Variants in DPP6 observed in about 807,000 individuals in gnomAD.
DPP6 encodes A-type potassium channel modulatory protein DPP6.
A neutral mutation model predicts 122.6 loss-of-function variants in DPP6; 69 were observed. The ratio of observed to expected loss-of-function variants is 0.56; its 90% CI spans 0.46 to 0.69. The LOEUF (loss-of-function observed/expected upper bound fraction) is 0.69. Ranked by LOEUF, DPP6 falls within the 30% of genes least tolerant of loss-of-function variation. The probability of loss-of-function intolerance (pLI) is 0.00; values close to 1 mark genes in which losing one functional copy is unlikely to be tolerated. For synonymous variants in DPP6, 418 were observed against 433.1 expected (o/e 0.97, Z 0.43); for missense variants, 928 against 1,116.9 (o/e 0.83, Z 2.41).
At chr7:154,690,255 T>C (rs2131212433) in intron 7 of DPP6, among the ~76,000 whole-genome samples, 1 of 152,296 alleles carries the variant, frequency 6.6e-6, no homozygotes, top group East Asian at 1.9e-4. Flanking sequence ...TTGAGAAGCA[T>C]CCCATCCAGA....
intron 1 of DPP6, among the ~76,000 whole-genome samples, chr7:154,131,140 AG>A (rs1291548012): frequency 1.3e-5 from 2 of 152,104 alleles, no homozygotes; most frequent in South Asian, 2.1e-4. Context: ...AAATGTTCAA[AG>A]GCATTAAGTA....
chr7:154,453,545 T>A (rs1340832608), intron 2 of DPP6, among the ~76,000 whole-genome samples: 2 of 149,502 alleles, frequency 1.3e-5, no homozygotes, highest in Admixed American at 1.3e-4. Flanking sequence ...ACATAAATAT[T>A]ATATAGATAT....
At chr7:154,186,063 T>C (rs10276293) in intron 1 of DPP6, among the ~76,000 whole-genome samples, 63,200 of 152,094 alleles carry the variant, frequency 0.42, 15,148 homozygotes, top group African/African-American at 0.68. Context: ...GCCTCTTGGT[T>C]TTGTGCAAGT....
chr7:154,701,429 C>T (rs982696460), intron 7 of DPP6, among the ~76,000 whole-genome samples: 3 of 152,190 alleles, frequency 2.0e-5, no homozygotes, highest in Non-Finnish European at 2.9e-5. Context: ...GATTTCTCCA[C>T]GTGTTTTGAT....
At chr7:154,150,231 TA>T (rs1257604715) in intron 1 of DPP6, among the ~76,000 whole-genome samples, 2 of 152,066 alleles carry the variant, frequency 1.3e-5, no homozygotes, top group Non-Finnish European at 2.9e-5. Flanking sequence ...AAACAGGAAA[TA>T]AACAGAACTT....
At chr7:153,914,928 A>G (rs1235737257) in intron 1 of DPP6, among the ~76,000 whole-genome samples, 1 of 152,058 alleles carries the variant, frequency 6.6e-6, no homozygotes, top group South Asian at 2.1e-4. Flanking sequence ...CTGGGTCTGA[A>G]CTCTTGCTTT....
intron 16 of DPP6, among the ~76,000 whole-genome samples, chr7:154,829,785 C>T (rs1178861228): frequency 1.3e-5 from 2 of 152,080 alleles, no homozygotes; most frequent in Middle Eastern, 3.2e-3. Context: ...TAAGATGCTT[C>T]CTCCATCCTG....
At position 154,575,053 on chromosome 7, in the gene DPP6, GTGGTGTGTTTGGTGTGTTGTGTGTAT is replaced by G. The variant is rs1586661668; in HGVS notation, c.627+8138_627+8163del. Among the ~76,000 whole-genome samples the G allele has an allele frequency of 5.0e-5, 7 of 138,930 alleles. No individual in the cohort carries two copies. The East Asian group carries it at 1.0e-3, about 21-fold the overall frequency. The allele number at this position is 138,930 out of a possible 152,430, so 91.1% of individuals were successfully genotyped here. On this transcript the variant is annotated intron_variant, in intron 5 of 25. Coordinates refer to ENST00000377770, the MANE Select transcript of DPP6 (RefSeq NM_130797.4). ...GTGTGGTGTGTGTGGTGTGGTGTGT[GTGGTGTGTTTGGTGTGTTGTGTGTAT>G]GTGTGTGATGTGCGTGTGGTGTGTA...
At chr7:154,349,879 AAAAC>A (rs1810705913) in intron 1 of DPP6, among the ~76,000 whole-genome samples, 1 of 152,236 alleles carries the variant, frequency 6.6e-6, no homozygotes, top group Non-Finnish European at 1.5e-5. Context: ...AGTAGAGTAA[AAAAC>A]AAATTTTCAG....
intron 1 of DPP6, among the ~76,000 whole-genome samples, chr7:154,044,788 A>G (rs1257052563): frequency 1.3e-5 from 2 of 152,204 alleles, no homozygotes; most frequent in African/African-American, 2.4e-5. Flanking sequence ...AATGTTTATT[A>G]ACTTTATTGA....
intron 1 of DPP6, among the ~76,000 whole-genome samples, chr7:154,014,248 C>A (rs1400970649): frequency 6.8e-6 from 1 of 146,324 alleles, no homozygotes; most frequent in Non-Finnish European, 1.5e-5. Flanking sequence ...ACTTCTCTCT[C>A]CAGTAAATGC....
chr7:154,759,581 C>T (rs967108779), intron 8 of DPP6, among the ~76,000 whole-genome samples: 10 of 152,228 alleles, frequency 6.6e-5, no homozygotes, highest in African/African-American at 2.4e-4. Flanking sequence ...CAGCCTTTAG[C>T]TCTTGTCTGA....
rs147413797 is a variant in DPP6, at chr7:154,317,462, G to A, written c.244-128752G>A. 2.3e-3 allele frequency among the ~76,000 whole-genome samples: 355 copies of A among 152,304 alleles called. 1 individual carries two copies. The highest frequency in any genetic ancestry group is 6.7e-3 in the African/African-American group (280 of 41,566). ...CTTAGACATGTGGCTGCACCATTATGCTAAGGTACCTGAGGCTCTACTATG... is the reference window on the plus strand; with the variant it reads ...CTTAGACATGTGGCTGCACCATTATACTAAGGTACCTGAGGCTCTACTATG... On this transcript the variant is annotated intron_variant, in intron 1 of 25. Transcript: ENST00000377770.
At chr7:154,074,965 C>G (rs1317123320) in intron 1 of DPP6, among the ~76,000 whole-genome samples, 3 of 150,604 alleles carry the variant, frequency 2.0e-5, no homozygotes, top group African/African-American at 7.3e-5. Context: ...AAGAAAAAAA[C>G]AAATAATCCC....
chr7:153,867,683 C>G, the DPP6 span, among the ~76,000 whole-genome samples: 1 of 152,166 alleles, frequency 6.6e-6, no homozygotes, highest in South Asian at 2.1e-4. Context: ...ACTTCCAACA[C>G]TATGTTGAAT....
At chr7:153,773,009 CATA>C in the DPP6 span, among the ~76,000 whole-genome samples, 18 of 129,596 alleles carry the variant, frequency 1.4e-4, no homozygotes, top group Admixed American at 5.5e-4. Flanking sequence ...AAAGAAAAGA[CATA>C]TATTATATAA....
intron 1 of DPP6, among the ~76,000 whole-genome samples, chr7:154,147,477 CCT>C (rs1796158121): frequency 7.6e-6 from 1 of 132,110 alleles, no homozygotes; most frequent in African/African-American, 4.1e-5. Context: ...TTCCTTCCTT[CCT>C]TCCTTCCTTC....
chr7:154,852,858 AG>A (rs1802519572), intron 16 of DPP6, among the ~76,000 whole-genome samples: 1 of 149,998 alleles, frequency 6.7e-6, no homozygotes, highest in African/African-American at 2.5e-5. Context: ...TAGATGGGAT[AG>A]TTGGAGATGG....
chr7:154,481,709 G>A lies in DPP6; in HGVS notation c.457+6672G>A, dbSNP rs899915393. On this transcript the variant is annotated intron_variant, in intron 3 of 25. Transcript: ENST00000377770. This position sits in a 1 kb window ranked among gnomAD's most constrained non-coding sequence, Gnocchi z 4.2. ...GATGTTCCTTCTGTCCAGCCCACTCGCTCTCCTCTCCGCGTCCACTTGTGA... is the reference window on the plus strand; with the variant it reads ...GATGTTCCTTCTGTCCAGCCCACTCACTCTCCTCTCCGCGTCCACTTGTGA... Among the ~76,000 whole-genome samples, 10 of 152,026 alleles carry A rather than the reference G, an allele frequency of 6.6e-5. No homozygotes were observed. Among genetic ancestry groups the A allele is most frequent in the South Asian group, 6.2e-4 (3 of 4,802 alleles).
Sources: gnomAD v4.1 joint callset for allele counts (sites outside exome capture counted in the v4.1 genomes callset) on GRCh38, gnomAD v4.1.1 for gene constraint, Gnocchi (gnomAD v3.1) non-coding constraint, MANE v1.5 for transcripts, NCBI Gene and HGNC (gene_info 2026-07-23, HGNC 2026-07-21) for gene names.